THNSL2: variants seen among roughly 807,000 people sequenced by gnomAD.
THNSL2 encodes the protein threonine synthase like 2, also known as threonine synthase-like 2.
THNSL2 carries 34 observed loss-of-function variants against 40.0 expected under a neutral mutation model. The ratio of observed to expected loss-of-function variants is 0.85; its 90% CI spans 0.65 to 1.13. The LOEUF (loss-of-function observed/expected upper bound fraction) is 1.13, where lower values mean the gene tolerates loss of function less well. THNSL2 is among the 50% of genes most tolerant of loss of function. The pLI, the probability that THNSL2 is intolerant of heterozygous loss-of-function variation, is 0.00. For synonymous variants in THNSL2, 241 were observed against 247.5 expected (o/e 0.97, Z 0.25); for missense variants, 537 against 608.8 (o/e 0.88, Z 1.24).
rs1353302568 is a variant in THNSL2 at position 88,170,366 on chromosome 2, G to C, written c.-103G>C. ...ACCGCACCGTCAGGGACGCGGACTC[G>C]GGAGTGCGCACATTCGCAGCCCGGG... On this transcript the variant is annotated 5_prime_UTR_variant, in exon 1 of 9. Transcript: ENST00000674334. 6 of 149,972 alleles carry C rather than the reference G, an allele frequency of 4.0e-5. No homozygotes were observed. The East Asian group carries it at 7.8e-4, about 20-fold the overall frequency. 9.3% of individuals were successfully genotyped at this position (149,972 alleles called of 1,614,324 possible).
At chr2:88,178,438 A>C (rs906545424) in intron 4 of THNSL2, among the ~76,000 whole-genome samples, 1 of 152,198 alleles carries the variant, frequency 6.6e-6, no homozygotes, top group Non-Finnish European at 1.5e-5. Flanking sequence ...GGAAGTGGGC[A>C]TGGATTACAA....
chr2:88,171,469 C>G, intron 1 of THNSL2: 1 of 386,514 alleles, frequency 2.6e-6, no homozygotes, highest in Non-Finnish European at 5.2e-6. Context: ...TATTTTCTTT[C>G]GCTGTACCTT....
chr2:88,175,216 A>G, intron 3 of THNSL2, 33 bp from the exon 4 acceptor site: 1 of 1,605,320 alleles, frequency 6.2e-7, no homozygotes, highest in Non-Finnish European at 8.5e-7. Flanking sequence ...CCTTTGTTCT[A>G]AAGGGGGAGA....
At chr2:88,178,740 C>CTACATGCTCCTGACAGCTGCCCTCT in intron 4 of THNSL2, 43 bp from the exon 5 acceptor site, 2 of 1,609,814 alleles carry the variant, frequency 1.2e-6, no homozygotes, top group African/African-American at 1.3e-5. Context: ...CCTGGGGGTT[C>CTACATGCTCCTGACAGCTGCCCTCT]TACATGCTCC....
chr2:88,185,676 C>A (rs1425534316), intron 8 of THNSL2, 197 bp downstream of exon 8: 1 of 1,551,396 alleles, frequency 6.4e-7, no homozygotes, highest in Non-Finnish European at 8.7e-7. Flanking sequence ...CAGCCATGGT[C>A]AGAGGTGGTG....
chr2:88,173,180 C>A lies in THNSL2; in HGVS notation c.30C>A (p.Ala10=). MWYVSTRGV[A]PRVNFEGALF... is the part of the protein sequence containing the mutation. ...GGTATGTCAGCACCAGGGGCGTAGCCCCACGGGTCAACTTTGAGGGGGCCC... is the reference window on the plus strand; with the variant it reads ...GGTATGTCAGCACCAGGGGCGTAGCACCACGGGTCAACTTTGAGGGGGCCC... The change falls in exon 2 of 9, where the codon GCC becomes GCA. Residue 10 remains alanine, a synonymous_variant. Transcript: ENST00000674334. 1 of 1,595,298 alleles carries A rather than the reference C, an allele frequency of 6.3e-7. No homozygotes were observed. The highest frequency in any genetic ancestry group is 8.6e-7 in the Non-Finnish European group (1 of 1,169,118).
chr2:88,178,084 A>G (rs1677133945), intron 4 of THNSL2, among the ~76,000 whole-genome samples: 2 of 152,206 alleles, frequency 1.3e-5, no homozygotes, highest in Admixed American at 6.5e-5. Flanking sequence ...CGGGTATCAG[A>G]TAAGAAATCA....
In THNSL2 at chr2:88,173,668, G is replaced by T. The variant is rs138675803; in HGVS notation, c.223+295G>T. ...AACCTCTTCAACACTAGGGATTTTA[G>T]AATCATCTTGAGTGACTTGAATGTT... On this transcript the variant is annotated intron_variant, in intron 2 of 8. Coordinates refer to ENST00000674334, the MANE Select transcript of THNSL2 (RefSeq NM_018271.5). Among the ~76,000 whole-genome samples the T allele has an allele frequency of 4.7e-5, 7 of 150,034 alleles. No individual in the cohort carries two copies. The East Asian group carries it at 1.4e-3, about 29-fold the overall frequency.
intron 2 of THNSL2, 152 bp from the exon 3 acceptor site, chr2:88,174,487 T>G: frequency 1.3e-6 from 1 of 750,684 alleles, no homozygotes; most frequent in Non-Finnish European, 2.1e-6. Context: ...TTTTCTAGGT[T>G]TTTACAATTG....
chr2:88,177,503 A>C (rs1210386344), intron 4 of THNSL2, among the ~76,000 whole-genome samples: 2 of 152,212 alleles, frequency 1.3e-5, no homozygotes, highest in Non-Finnish European at 1.5e-5. Context: ...TTTGGCTAGA[A>C]GTAGCAAAAA....
rs1678169077 is a variant in THNSL2, at chr2:88,185,404, AC to A, written c.1156del (p.Gln386SerfsTer12). 2.5e-6 allele frequency: 4 copies of A among 1,614,064 alleles called. No individual in the cohort carries two copies. Among genetic ancestry groups the A allele is most frequent in the Middle Eastern group, 3.3e-4 (2 of 6,062 alleles). On this transcript the variant is annotated frameshift_variant, in exon 8 of 9. Coordinates refer to ENST00000674334, the MANE Select transcript of THNSL2 (RefSeq NM_018271.5). LOFTEE classifies it high-confidence loss of function. ...TQTMGRCWDENQYLLCPHSAV... is the reference protein window; with the variant it reads ...TQTMGRCWDEXQYLLCPHSAV... ...ACCATGGGCCGCTGCTGGGATGAGAACCAGTACTTGCTGTGCCCCCACTCAG... is the reference window on the plus strand; with the variant it reads ...ACCATGGGCCGCTGCTGGGATGAGAACAGTACTTGCTGTGCCCCCACTCAG...
intron 4 of THNSL2, among the ~76,000 whole-genome samples, chr2:88,178,112 C>T (rs549448152): frequency 1.3e-5 from 2 of 152,306 alleles, no homozygotes; most frequent in East Asian, 1.9e-4. Flanking sequence ...CTTGGTTGCT[C>T]ATTGAGCTAG....
chr2:88,179,584 C>T (rs1677314544), intron 5 of THNSL2, among the ~76,000 whole-genome samples: 1 of 152,230 alleles, frequency 6.6e-6, no homozygotes, highest in Non-Finnish European at 1.5e-5. Context: ...TCTCCCAGGA[C>T]TGCCTCGATG....
chr2:88,172,265 G>T (rs1676453202), intron 1 of THNSL2: 2 of 152,436 alleles, frequency 1.3e-5, no homozygotes, highest in South Asian at 4.1e-4. Flanking sequence ...AACTGATGTG[G>T]AAGTGTGACC....
intron 5 of THNSL2, among the ~76,000 whole-genome samples, chr2:88,181,718 T>C (rs1283596897): frequency 1.3e-5 from 2 of 152,140 alleles, no homozygotes; most frequent in Admixed American, 6.5e-5. Flanking sequence ...AATTTTGGAA[T>C]GTTTACATCA....
rs1271490110 is a variant in THNSL2, at chr2:88,175,374, C to T, written c.544C>T (p.Leu182=). Residue 182 remains leucine, a synonymous_variant, in exon 4 of 9, where the codon CTG becomes TTG. Coordinates refer to ENST00000674334, the MANE Select transcript of THNSL2 (RefSeq NM_018271.5). Reference sequence around the variant, plus strand: ...TCAGGAGCTCCAGATGACAACGGTGCTGAAGCAGAACGTACATGTGTTTGG... The same window carrying T: ...TCAGGAGCTCCAGATGACAACGGTGTTGAAGCAGAACGTACATGTGTTTGG... The part of the protein sequence containing the change: ...KIQELQMTTV[L]KQNVHVFGVE... The T allele has an allele frequency of 6.2e-7, 1 of 1,614,082 alleles. No individual in the cohort carries two copies. The highest frequency in any genetic ancestry group is 2.2e-5 in the East Asian group (1 of 44,880).
At chr2:88,180,103 C>T (rs138386073) in intron 5 of THNSL2, among the ~76,000 whole-genome samples, 5 of 152,370 alleles carry the variant, frequency 3.3e-5, no homozygotes, top group Admixed American at 2.0e-4. Context: ...CCATTCCCAT[C>T]GCCCTCCAAT....
At chr2:88,185,204 A>G in intron 7 of THNSL2, 124 bp from the exon 8 acceptor site, 1 of 1,359,768 alleles carries the variant, frequency 7.4e-7, no homozygotes, top group Non-Finnish European at 9.9e-7. Context: ...CATCTGAGCC[A>G]TTCGGTCTGA....
chr2:88,173,026 C>T (rs1573166978), intron 1 of THNSL2, 113 bp from the exon 2 acceptor site: 8 of 595,762 alleles, frequency 1.3e-5, no homozygotes, highest in South Asian at 9.3e-5. Context: ...GGGACATGTG[C>T]CCCGGAGACT....
Sources: allele counts gnomAD v4.1 joint callset (sites outside exome capture counted in the v4.1 genomes callset), GRCh38; gene constraint gnomAD v4.1.1; transcripts MANE v1.5; gene names NCBI Gene and HGNC (gene_info 2026-07-23, HGNC 2026-07-21).